Variants in TEAD4 observed in about 807,000 individuals in gnomAD.
TEAD4 encodes the protein transcriptional enhancer factor TEF-3.
TEAD4 carries 36 observed loss-of-function variants against 52.4 expected under a neutral mutation model. The observed-to-expected ratio is 0.69, with a 90% CI of 0.53 to 0.91. TEAD4 has a LOEUF of 0.91. TEAD4 is among the 40% of genes least tolerant of loss of function. The probability of loss-of-function intolerance (pLI) is 0.00; values close to 1 mark genes in which losing one functional copy is unlikely to be tolerated. For missense variants in TEAD4, 508 were observed against 583.9 expected (o/e 0.87, Z 1.34); for synonymous variants, 220 against 231.0 (o/e 0.95, Z 0.43).
At chr12:3,015,459 G>A (rs2098263751) in intron 5 of TEAD4, among the ~76,000 whole-genome samples, 1 of 152,250 alleles carries the variant, frequency 6.6e-6, no homozygotes, top group Admixed American at 6.5e-5. Flanking sequence ...CACCTTGAGA[G>A]GATGAGTGGA....
rs536874151 is a variant in TEAD4 at position 2,978,083 on chromosome 12, C to A, written c.-29-16655C>A. Among the ~76,000 whole-genome samples the A allele has an allele frequency of 1.6e-3, 241 of 152,296 alleles. 2 individuals carry two copies. Among genetic ancestry groups the A allele is most frequent in the African/African-American group, 5.2e-3 (217 of 41,546 alleles). ...GGGGACTCTCCTGTCCTTCTCTTTT[C>A]TTTTCCAGCTGTAACCAGGCCCTTT... On this transcript the variant is annotated intron_variant, in intron 2 of 12. Transcript: ENST00000359864.
At chr12:2,967,451 TGTTTTTA>T (rs1209752399) in intron 2 of TEAD4, among the ~76,000 whole-genome samples, 1 of 152,238 alleles carries the variant, frequency 6.6e-6, no homozygotes, top group Non-Finnish European at 1.5e-5. Context: ...TTTAAAACAT[TGTTTTTA>T]GTTTTTAGCT....
intron 10 of TEAD4, among the ~76,000 whole-genome samples, chr12:3,035,585 G>A (rs986328210): frequency 6.6e-6 from 1 of 152,180 alleles, no homozygotes; most frequent in African/African-American, 2.4e-5. Context: ...ACTTTGGGAG[G>A]CCAAGGTGAG....
chr12:3,024,143 T>C (rs892562851), intron 10 of TEAD4, among the ~76,000 whole-genome samples: 23 of 152,000 alleles, frequency 1.5e-4, no homozygotes, highest in East Asian at 3.9e-4. Context: ...GGCGTGATCT[T>C]GGCTCACTGC....
At chr12:3,019,972 C>G (rs1398456541) in intron 8 of TEAD4, among the ~76,000 whole-genome samples, 1 of 152,234 alleles carries the variant, frequency 6.6e-6, no homozygotes. Context: ...CTGCAGCAGC[C>G]TCTCCACCGG....
intron 2 of TEAD4, among the ~76,000 whole-genome samples, chr12:2,975,074 GTATT>G (rs1180135008): frequency 6.7e-6 from 1 of 148,160 alleles, no homozygotes; most frequent in Non-Finnish European, 1.5e-5. Flanking sequence ...TTAAAATTTT[GTATT>G]TATTTATTTT....
intron 2 of TEAD4, among the ~76,000 whole-genome samples, chr12:2,972,964 G>C (rs749509136): frequency 3.9e-5 from 6 of 152,052 alleles, no homozygotes; most frequent in Non-Finnish European, 8.8e-5. Flanking sequence ...TCCCCCAAAC[G>C]ATTCCATCCA....
At chr12:3,022,453 G>T (rs2098269392) in intron 10 of TEAD4, among the ~76,000 whole-genome samples, 1 of 152,230 alleles carries the variant, frequency 6.6e-6, no homozygotes, top group Non-Finnish European at 1.5e-5. Context: ...GGCATGTTGG[G>T]CTGAACAGAG....
intron 10 of TEAD4, among the ~76,000 whole-genome samples, chr12:3,035,079 C>T (rs756717304): frequency 3.3e-5 from 5 of 151,464 alleles, no homozygotes; most frequent in African/African-American, 4.8e-5. Flanking sequence ...CCAGCCCAGG[C>T]GACAGAGCGA....
At chr12:3,009,966 C>T (rs1216716644) in intron 3 of TEAD4, among the ~76,000 whole-genome samples, 2 of 152,234 alleles carry the variant, frequency 1.3e-5, no homozygotes, top group African/African-American at 4.8e-5. Flanking sequence ...CCTCACCTCC[C>T]CGGGCATCAG....
chr12:2,992,243 T>G (rs1230367814), intron 2 of TEAD4, among the ~76,000 whole-genome samples: 1 of 151,936 alleles, frequency 6.6e-6, no homozygotes, highest in East Asian at 1.9e-4. Flanking sequence ...GGTCTCGAAC[T>G]CCTGACCTCA....
intron 4 of TEAD4, 70 bp from the exon 5 acceptor site, chr12:3,012,100 G>A: frequency 1.9e-6 from 3 of 1,547,354 alleles, no homozygotes; most frequent in Non-Finnish European, 2.7e-6. Flanking sequence ...GAGGGCGAGA[G>A]TCAGGAAGCC....
chr12:2,975,527 T>G (rs1591557947), intron 2 of TEAD4, among the ~76,000 whole-genome samples: 1 of 152,204 alleles, frequency 6.6e-6, no homozygotes, highest in East Asian at 1.9e-4. Context: ...TAGCTGGGAT[T>G]ACAGGCATGC....
At chr12:2,982,010 A>G (rs981553923) in intron 2 of TEAD4, among the ~76,000 whole-genome samples, 3 of 152,182 alleles carry the variant, frequency 2.0e-5, no homozygotes, top group Admixed American at 2.0e-4. Flanking sequence ...CAGTGGCTGC[A>G]GAAGGCTCTG....
At chr12:3,010,898 G>T (rs187262365) in intron 3 of TEAD4, 106 bp from the exon 4 acceptor site, 8 of 1,241,402 alleles carry the variant, frequency 6.4e-6, no homozygotes, top group African/African-American at 4.4e-5. Context: ...CTTAGGATGG[G>T]CAGAGAGTGA....
intron 2 of TEAD4, among the ~76,000 whole-genome samples, chr12:2,988,332 G>A (rs2098240307): frequency 6.6e-6 from 1 of 151,846 alleles, no homozygotes; most frequent in Non-Finnish European, 1.5e-5. Context: ...GGCCAACATG[G>A]CGAAACCCCG....
At chr12:2,992,036 T>TTG (rs61683648) in intron 2 of TEAD4, among the ~76,000 whole-genome samples, 1 of 116,350 alleles carries the variant, frequency 8.6e-6, no homozygotes, top group Admixed American at 9.0e-5. Context: ...TTTTTTTTTT[T>TTG]GAGGCGGAGT....
chr12:3,025,200 T>A (rs1267504392), intron 10 of TEAD4, among the ~76,000 whole-genome samples: 1 of 152,200 alleles, frequency 6.6e-6, no homozygotes, highest in Non-Finnish European at 1.5e-5. Context: ...CACCTCAGCC[T>A]CCCAGTGCTG....
chr12:3,034,000 A>G lies in TEAD4; in HGVS notation c.898-3968A>G, dbSNP rs1291432561. Among the ~76,000 whole-genome samples the G allele has an allele frequency of 3.0e-4, 45 of 151,428 alleles. 1 individual carries two copies. Among genetic ancestry groups the G allele is most frequent in the Non-Finnish European group, 8.8e-5 (6 of 68,028 alleles). ...CGGCTGGTGTGTTCCGGGTTTATGC[A>G]GTGTGAACATGAGTTCTGGGGCTGA... On this transcript the variant is annotated intron_variant, in intron 10 of 12. Transcript: ENST00000359864.
Sources: allele counts gnomAD v4.1 joint callset (sites outside exome capture counted in the v4.1 genomes callset), GRCh38; gene constraint gnomAD v4.1.1; transcripts MANE v1.5; gene names NCBI Gene and HGNC (gene_info 2026-07-23, HGNC 2026-07-21).